The following ZCWPW1 variants were observed in gnomAD, a reference collection of about 807,000 sequenced individuals.
The protein encoded by ZCWPW1 is zinc finger CW-type PWWP domain protein 1.
In ZCWPW1, 56 loss-of-function variants were observed where a neutral mutation model predicts 81.3. That is an observed-to-expected ratio of 0.69 (90% CI 0.56 to 0.86). The LOEUF (loss-of-function observed/expected upper bound fraction) is 0.86. Ranked by LOEUF, ZCWPW1 falls within the 40% of genes least tolerant of loss-of-function variation. The pLI, the probability that ZCWPW1 is intolerant of heterozygous loss-of-function variation, is 0.00. For synonymous variants in ZCWPW1, 250 were observed against 273.7 expected (o/e 0.91, Z 0.86); for missense variants, 650 against 769.8 (o/e 0.84, Z 1.84).
At chr7:100,422,008 T>TAA (rs1356387145) in intron 2 of ZCWPW1, among the ~76,000 whole-genome samples, 8 of 152,230 alleles carry the variant, frequency 5.3e-5, no homozygotes, top group Non-Finnish European at 4.4e-5. Flanking sequence ...CATGTGTTTC[T>TAA]TGATTACTAA....
At chr7:100,425,209 A>T (rs1257379215) in intron 1 of ZCWPW1, 73 bp from the exon 2 acceptor site, 1 of 152,240 alleles carries the variant, frequency 6.6e-6, no homozygotes, top group South Asian at 2.1e-4. Context: ...TTTCTTCTGT[A>T]CAGCTACTAA....
intron 8 of ZCWPW1, 33 bp downstream of exon 8, chr7:100,415,942 G>C: frequency 6.2e-7 from 1 of 1,613,176 alleles, no homozygotes; most frequent in Non-Finnish European, 8.5e-7. Flanking sequence ...AAATTTTCAG[G>C]CCAAGTAGGT....
At chr7:100,416,665 G>T (rs146125760) in intron 6 of ZCWPW1, among the ~76,000 whole-genome samples, 1 of 152,082 alleles carries the variant, frequency 6.6e-6, no homozygotes, top group South Asian at 2.1e-4. Context: ...TATGATAAAT[G>T]GGCTGGGCCT....
chr7:100,419,336 T>C, intron 4 of ZCWPW1, 147 bp from the exon 5 acceptor site: 3 of 771,464 alleles, frequency 3.9e-6, no homozygotes, highest in Non-Finnish European at 4.1e-6. Context: ...CCATGAACTA[T>C]ATCCCAGATC....
chr7:100,413,282 C>G (rs1023054117), intron 8 of ZCWPW1, among the ~76,000 whole-genome samples: 7 of 152,238 alleles, frequency 4.6e-5, no homozygotes, highest in Admixed American at 1.3e-4. Context: ...CTCCCTCTTT[C>G]CAGTTATCCA....
chr7:100,422,503 TC>T (rs1465609656), intron 2 of ZCWPW1, among the ~76,000 whole-genome samples: 7 of 152,298 alleles, frequency 4.6e-5, no homozygotes, highest in African/African-American at 1.4e-4. Flanking sequence ...CTGCGAACAT[TC>T]CAGTATTTTT....
At chr7:100,412,383 T>G (rs528261339) in intron 8 of ZCWPW1, among the ~76,000 whole-genome samples, 1 of 152,226 alleles carries the variant, frequency 6.6e-6, no homozygotes, top group African/African-American at 2.4e-5. Context: ...ACAAATTTTT[T>G]CTTCCTCCGC....
At chr7:100,423,869 G>T (rs13225444) in intron 2 of ZCWPW1, among the ~76,000 whole-genome samples, 1 of 152,228 alleles carries the variant, frequency 6.6e-6, no homozygotes, top group South Asian at 2.1e-4. Flanking sequence ...AGGAGTTCGA[G>T]ACCAGCCTGT....
chr7:100,415,054 C>A (rs1794941021), intron 8 of ZCWPW1, among the ~76,000 whole-genome samples: 1 of 148,084 alleles, frequency 6.8e-6, no homozygotes, highest in Non-Finnish European at 1.5e-5. Context: ...AACAAAAAAC[C>A]CCTCCCTCAA....
intron 8 of ZCWPW1, among the ~76,000 whole-genome samples, chr7:100,410,633 G>C (rs1201743666): frequency 1.3e-5 from 2 of 151,888 alleles, no homozygotes; most frequent in African/African-American, 4.8e-5. Context: ...CATTATTTCA[G>C]TCCCTTGACT....
At chr7:100,414,615 T>C (rs1482163418) in intron 8 of ZCWPW1, among the ~76,000 whole-genome samples, 1 of 152,086 alleles carries the variant, frequency 6.6e-6, no homozygotes, top group Non-Finnish European at 1.5e-5. Context: ...AGGGTCTCAC[T>C]GTGTTGCCCA....
At chr7:100,412,338 A>T (rs1481105627) in intron 8 of ZCWPW1, among the ~76,000 whole-genome samples, 6 of 152,218 alleles carry the variant, frequency 3.9e-5, no homozygotes, top group African/African-American at 1.2e-4. Context: ...TCTCAAACCT[A>T]AATGTACCCA....
chr7:100,419,123 G>A lies in ZCWPW1; in HGVS notation c.349C>T (p.Gln117Ter). Residue 117 changes from glutamine to a stop codon, truncating the protein, a stop_gained, in exon 5 of 18, where the codon CAG becomes TAG. Coordinates refer to ENST00000684423, the MANE Select transcript of ZCWPW1 (RefSeq NM_001386010.1). LOFTEE classifies it high-confidence loss of function. Reference sequence around the variant, plus strand: ...CTACATGCCATACCCAAGCACTCCTGAAGGGACTTCTGCAGAACAATCTGG... The same window carrying A: ...CTACATGCCATACCCAAGCACTCCTAAAGGGACTTCTGCAGAACAATCTGG... ...IVQIVLQKSL[Q>*]ECLGMGSGLD... 1 of 1,613,612 alleles carries A rather than the reference G, an allele frequency of 6.2e-7. No individual in the cohort carries two copies. Among genetic ancestry groups the A allele is most frequent in the African/African-American group, 1.3e-5 (1 of 75,006 alleles).
At chr7:100,427,158 CCT>C (rs551361454) in intron 1 of ZCWPW1, among the ~76,000 whole-genome samples, 2 of 21,054 alleles carry the variant, frequency 9.5e-5, no homozygotes, top group South Asian at 1.5e-3. Context: ...TTCCTCCCTC[CCT>C]CTCTCTCTTC....
intron 2 of ZCWPW1, among the ~76,000 whole-genome samples, chr7:100,422,341 A>G (rs1393900074): frequency 2.0e-5 from 3 of 152,212 alleles, no homozygotes; most frequent in Admixed American, 1.3e-4. Flanking sequence ...ACTGAAACAC[A>G]TAGAAAATGA....
chr7:100,420,117 C>T (rs1396185211), intron 3 of ZCWPW1, among the ~76,000 whole-genome samples: 2 of 152,182 alleles, frequency 1.3e-5, no homozygotes, highest in African/African-American at 2.4e-5. Context: ...TTCTGATATA[C>T]TGCCAGGTTT....
intron 8 of ZCWPW1, among the ~76,000 whole-genome samples, chr7:100,409,951 G>A (rs1222977361): frequency 3.3e-5 from 5 of 152,162 alleles, no homozygotes; most frequent in African/African-American, 1.2e-4. Flanking sequence ...GGGCTAACCT[G>A]CATCTCTTTT....
intron 2 of ZCWPW1, among the ~76,000 whole-genome samples, chr7:100,422,413 G>C (rs571677877): frequency 9.4e-4 from 143 of 152,294 alleles, no homozygotes; most frequent in South Asian, 6.8e-3. Context: ...CAACTGAAGA[G>C]TCACACCAAA....
At chr7:100,422,329 A>T (rs1796506393) in intron 2 of ZCWPW1, among the ~76,000 whole-genome samples, 1 of 152,218 alleles carries the variant, frequency 6.6e-6, no homozygotes, top group Non-Finnish European at 1.5e-5. Context: ...TTAATAGCGT[A>T]TACTGAAACA....
Sources: allele counts gnomAD v4.1 joint callset (sites outside exome capture counted in the v4.1 genomes callset), GRCh38; gene constraint gnomAD v4.1.1; transcripts MANE v1.5; gene names NCBI Gene and HGNC (gene_info 2026-07-23, HGNC 2026-07-21).